The following PTPRD variants were observed in gnomAD, a reference collection of about 807,000 sequenced individuals.
The protein encoded by PTPRD is protein tyrosine phosphatase receptor type D, also known as receptor-type tyrosine-protein phosphatase delta.
PTPRD carries 34 observed loss-of-function variants against 214.5 expected under a neutral mutation model. The observed-to-expected ratio is 0.16, with a 90% CI of 0.12 to 0.21. The LOEUF is 0.21. PTPRD is among the 10% of genes least tolerant of loss of function. The probability of loss-of-function intolerance (pLI) is 1.00; values close to 1 mark genes in which losing one functional copy is unlikely to be tolerated. For synonymous variants in PTPRD, 1,128 were observed against 845.7 expected (o/e 1.33, Z -5.79); for missense variants, 2,545 against 2,398.7 (o/e 1.06, Z -1.27).
chr9:10,473,547 T>C (rs2099044401), intron 2 of PTPRD, among the ~76,000 whole-genome samples: 1 of 152,078 alleles, frequency 6.6e-6, no homozygotes, highest in African/African-American at 2.4e-5. Flanking sequence ...CACATATGTG[T>C]TTGTATGGAA....
At chr9:8,647,340 G>A (rs1430567733) in intron 12 of PTPRD, among the ~76,000 whole-genome samples, 1 of 152,068 alleles carries the variant, frequency 6.6e-6, no homozygotes, top group African/African-American at 2.4e-5. Flanking sequence ...ATATTCTAAT[G>A]GTGATCACCT....
intron 3 of PTPRD, among the ~76,000 whole-genome samples, chr9:10,181,942 TAAAAAAAA>T (rs3075573): frequency 2.6e-5 from 1 of 38,512 alleles, no homozygotes; most frequent in African/African-American, 8.3e-5. Flanking sequence ...TCATAAATAC[TAAAAAAAA>T]AAAAAAAAAA....
intron 3 of PTPRD, among the ~76,000 whole-genome samples, chr9:10,157,514 G>C (rs922400149): frequency 6.6e-6 from 1 of 152,082 alleles, no homozygotes; most frequent in Non-Finnish European, 1.5e-5. Context: ...TTAGTCTCAC[G>C]GGCTTCCCTT....
intron 4 of PTPRD, among the ~76,000 whole-genome samples, chr9:9,972,265 A>G (rs1229858906): frequency 6.6e-6 from 1 of 152,166 alleles, no homozygotes; most frequent in Non-Finnish European, 1.5e-5. Context: ...TTTAACATGC[A>G]CATTTCCTCC....
rs574661196 is a variant in PTPRD at position 9,157,615 on chromosome 9, T to C, written c.-143+25689A>G. ...ACCAAAAATGAGGAAGGAGATTGAA[T>C]CAATATTCAAACTTCTCCCATCAAA... On this transcript the variant is annotated intron_variant, in intron 10 of 45. Coordinates refer to ENST00000381196, the MANE Select transcript of PTPRD (RefSeq NM_002839.4). 6.6e-5 allele frequency among the ~76,000 whole-genome samples: 10 copies of C among 152,242 alleles called. No individual in the cohort carries two copies. The South Asian group carries it at 2.1e-3, about 32-fold the overall frequency.
chr9:8,893,209 G>C (rs977557988), intron 11 of PTPRD, among the ~76,000 whole-genome samples: 1 of 152,114 alleles, frequency 6.6e-6, no homozygotes, highest in African/African-American at 2.4e-5. Context: ...GACAAGAGAG[G>C]TTAAAACAGA....
chr9:8,707,668 G>C (rs1215354487), intron 12 of PTPRD, among the ~76,000 whole-genome samples: 3 of 152,192 alleles, frequency 2.0e-5, no homozygotes, highest in African/African-American at 4.8e-5. Flanking sequence ...TTAATGATCT[G>C]ATTCCCTAAT....
intron 4 of PTPRD, among the ~76,000 whole-genome samples, chr9:10,007,062 C>G (rs13297909): frequency 0.099 from 14,970 of 151,916 alleles, 884 homozygotes; most frequent in African/African-American, 0.14. Flanking sequence ...CTCAACACCA[C>G]TCTAAGGCAG....
At chr9:9,105,936 G>C (rs981129192) in intron 10 of PTPRD, among the ~76,000 whole-genome samples, 1 of 152,168 alleles carries the variant, frequency 6.6e-6, no homozygotes, top group African/African-American at 2.4e-5. Context: ...TTGGGAAGTG[G>C]AGGGAAGCAT....
intron 9 of PTPRD, among the ~76,000 whole-genome samples, chr9:9,276,548 G>A (rs944570149): frequency 6.0e-5 from 9 of 151,180 alleles, no homozygotes; most frequent in African/African-American, 1.5e-4. Context: ...TTGTATCATC[G>A]TCCTCAGTCA....
At chr9:8,581,097 G>A (rs1384471069) in intron 14 of PTPRD, among the ~76,000 whole-genome samples, 1 of 152,078 alleles carries the variant, frequency 6.6e-6, no homozygotes, top group African/African-American at 2.4e-5. Context: ...ATGGCCCTAA[G>A]AATAAACTCC....
At chr9:9,801,348 A>G (rs1328489343) in intron 5 of PTPRD, among the ~76,000 whole-genome samples, 21 of 151,844 alleles carry the variant, frequency 1.4e-4, no homozygotes. Context: ...AAAAAAAAAA[A>G]AGTAACTTTC....
rs759907857 is a variant in PTPRD, at chr9:8,873,959, C to T, written c.-103-140013G>A. Among the ~76,000 whole-genome samples, 15 of 152,244 alleles carry T rather than the reference C, an allele frequency of 9.9e-5. No individual in the cohort carries two copies. In the East Asian group the frequency reaches 1.9e-3, roughly 20 times the overall value. ...TGCACCTGGTCATTAAAACATAATACGGAGTCTCTATCATACTGGACAGAA... is the reference window on the plus strand; with the variant it reads ...TGCACCTGGTCATTAAAACATAATATGGAGTCTCTATCATACTGGACAGAA... On this transcript the variant is annotated intron_variant, in intron 11 of 45. Coordinates refer to ENST00000381196, the MANE Select transcript of PTPRD (RefSeq NM_002839.4).
intron 6 of PTPRD, among the ~76,000 whole-genome samples, chr9:9,750,513 C>A (rs554624554): frequency 6.6e-6 from 1 of 152,186 alleles, no homozygotes; most frequent in East Asian, 1.9e-4. Flanking sequence ...CTTCTACTTA[C>A]CTCACCATAA....
chr9:8,411,300 CTTTTATTTTTAT>C (rs145652675), intron 35 of PTPRD, among the ~76,000 whole-genome samples: 1 of 151,068 alleles, frequency 6.6e-6, no homozygotes, highest in Non-Finnish European at 1.5e-5. Context: ...TTTTATTTAT[CTTTTATTTTTAT>C]TTTTATTTTT....
At chr9:9,518,362 G>A (rs563172554) in intron 8 of PTPRD, among the ~76,000 whole-genome samples, 108 of 152,172 alleles carry the variant, frequency 7.1e-4, no homozygotes, top group African/African-American at 2.5e-3. Flanking sequence ...TCACACTAGT[G>A]AAAATATAGT....
chr9:9,281,480 T>G (rs1005001565), intron 9 of PTPRD, among the ~76,000 whole-genome samples: 3 of 151,312 alleles, frequency 2.0e-5, no homozygotes, highest in Non-Finnish European at 4.4e-5. Flanking sequence ...AGATAGCTAA[T>G]AGATATATGA....
At chr9:8,422,937 C>G (rs1172086143) in intron 35 of PTPRD, among the ~76,000 whole-genome samples, 1 of 152,112 alleles carries the variant, frequency 6.6e-6, no homozygotes, top group Non-Finnish European at 1.5e-5. Flanking sequence ...TTTCATTGTT[C>G]ATTAACTATA....
At chr9:9,548,817 G>T (rs893201242) in intron 8 of PTPRD, among the ~76,000 whole-genome samples, 1 of 152,008 alleles carries the variant, frequency 6.6e-6, no homozygotes, top group African/African-American at 2.4e-5. Context: ...AGTAGACATA[G>T]CAATACTAAA....
Sources: gnomAD v4.1 joint callset for allele counts (sites outside exome capture counted in the v4.1 genomes callset) on GRCh38, gnomAD v4.1.1 for gene constraint, MANE v1.5 for transcripts, NCBI Gene and HGNC (gene_info 2026-07-23, HGNC 2026-07-21) for gene names.